The following DOCK5 variants were observed in gnomAD, a reference collection of about 807,000 sequenced individuals.
DOCK5 encodes dedicator of cytokinesis protein 5.
Under a neutral mutation model 251.8 loss-of-function variants are expected in DOCK5, and 142 were observed. That is an observed-to-expected ratio of 0.56 (90% CI 0.49 to 0.65). DOCK5 has a LOEUF of 0.65. Among genes scored for constraint, DOCK5 ranks in the 30% least tolerant of loss-of-function variants. DOCK5 has a pLI of 0.00. For missense variants in DOCK5, 2,111 were observed against 2,312.3 expected (o/e 0.91, Z 1.79); for synonymous variants, 842 against 835.5 (o/e 1.01, Z -0.13).
chr8:25,281,039 C>G (rs779001808), intron 5 of DOCK5, among the ~76,000 whole-genome samples: 2 of 148,320 alleles, frequency 1.3e-5, no homozygotes, highest in African/African-American at 2.5e-5. Context: ...TTTTTTCTTG[C>G]TAAAACACAA....
chr8:25,315,841 T>C (rs1456552586), intron 13 of DOCK5, among the ~76,000 whole-genome samples: 1 of 152,242 alleles, frequency 6.6e-6, no homozygotes, highest in Non-Finnish European at 1.5e-5. Flanking sequence ...AGCAGTATCT[T>C]ATTTTTTTCC....
rs929753146 is a variant in DOCK5, at chr8:25,206,559, C to T, written c.43+21608C>T. On this transcript the variant is annotated intron_variant, in intron 1 of 51. Transcript: ENST00000276440. ...ATTCTGTGAAAAACCTGGGCTAGTTCCTACATGACAAATAGTTACAGTACC... is the reference window on the plus strand; with the variant it reads ...ATTCTGTGAAAAACCTGGGCTAGTTTCTACATGACAAATAGTTACAGTACC... Among the ~76,000 whole-genome samples the T allele has an allele frequency of 7.9e-5, 12 of 152,284 alleles. No individual in the cohort carries two copies. The South Asian group carries it at 2.3e-3, about 29-fold the overall frequency.
At chr8:25,381,087 A>G (rs563887914) in intron 39 of DOCK5, among the ~76,000 whole-genome samples, 17 of 151,764 alleles carry the variant, frequency 1.1e-4, no homozygotes, top group Non-Finnish European at 1.5e-4. Context: ...TGAATGCCCA[A>G]TAGAAGGCAG....
At chr8:25,375,085 C>A (rs1800941271) in intron 37 of DOCK5, 2 of 787,222 alleles carry the variant, frequency 2.5e-6, no homozygotes, top group Non-Finnish European at 3.2e-6. Flanking sequence ...TTATGAATCC[C>A]AAGTAATTAT....
At chr8:25,399,771 A>G in intron 45 of DOCK5, 140 bp from the exon 46 acceptor site, 4 of 643,036 alleles carry the variant, frequency 6.2e-6, no homozygotes, top group Non-Finnish European at 1.1e-5. Context: ...AACATAGTAT[A>G]AGAGCTGTCT....
intron 1 of DOCK5, among the ~76,000 whole-genome samples, chr8:25,226,312 A>C (rs1349282920): frequency 8.6e-6 from 1 of 116,282 alleles, no homozygotes; most frequent in Non-Finnish European, 1.6e-5. Context: ...CCCAGGCTGG[A>C]GTGCAGGTGG....
intron 27 of DOCK5, among the ~76,000 whole-genome samples, chr8:25,354,853 A>AT (rs1800540182): frequency 6.6e-6 from 1 of 152,202 alleles, no homozygotes; most frequent in South Asian, 2.1e-4. Context: ...TTATTGTTAC[A>AT]TTTTTTCCCA....
At chr8:25,306,137 G>T (rs1399805371) in intron 11 of DOCK5, among the ~76,000 whole-genome samples, 2 of 151,832 alleles carry the variant, frequency 1.3e-5, no homozygotes, top group Non-Finnish European at 2.9e-5. Context: ...AGAGCCATAC[G>T]CTGTCTCAGA....
chr8:25,402,072 T>C (rs950655497), intron 47 of DOCK5, among the ~76,000 whole-genome samples: 1 of 152,210 alleles, frequency 6.6e-6, no homozygotes, highest in Non-Finnish European at 1.5e-5. Context: ...TCTACTTATC[T>C]GCATTTTTTT....
At chr8:25,345,428 A>G (rs1209003267) in intron 25 of DOCK5, 47 bp from the exon 26 acceptor site, 2 of 1,605,548 alleles carry the variant, frequency 1.2e-6, no homozygotes, top group African/African-American at 2.7e-5. Context: ...CAGGCAGTTC[A>G]GGAGGTGGCA....
intron 2 of DOCK5, among the ~76,000 whole-genome samples, chr8:25,249,233 C>T (rs73558465): frequency 1.0e-3 from 152 of 152,168 alleles, no homozygotes; most frequent in African/African-American, 3.3e-3. Context: ...ACTCCCGGCC[C>T]TTAGCGATCC....
At position 25,270,693 on chromosome 8, in the gene DOCK5, T is replaced by G. The variant is rs1412919331; in HGVS notation, c.168+1808T>G. On this transcript the variant is annotated intron_variant, in intron 3 of 51. Coordinates refer to ENST00000276440, the MANE Select transcript of DOCK5 (RefSeq NM_024940.8). Reference sequence around the variant, plus strand: ...GTCCTAGATCAGGTCTTCTTTTTCATAGACTACAGTATGTAAGGATCCTTT... The same window carrying G: ...GTCCTAGATCAGGTCTTCTTTTTCAGAGACTACAGTATGTAAGGATCCTTT... 4 of 484,642 alleles carry G rather than the reference T, an allele frequency of 8.3e-6. No individual in the cohort carries two copies. In the East Asian group the frequency reaches 1.2e-4, roughly 14 times the overall value. 30.0% of individuals were successfully genotyped at this position (484,642 alleles called of 1,614,324 possible). A position where few individuals can be genotyped will look rare whatever the true frequency, so the allele number is the denominator to read the frequency against.
intron 26 of DOCK5, among the ~76,000 whole-genome samples, chr8:25,350,465 C>A (rs1800446660): frequency 6.6e-6 from 1 of 152,148 alleles, no homozygotes; most frequent in Admixed American, 6.6e-5. Flanking sequence ...CTGTTACTGT[C>A]CCCCTTTTGC....
chr8:25,364,691 G>A lies in DOCK5; in HGVS notation c.3110G>A (p.Ser1037Asn), dbSNP rs1216228943. ...VLTRFFMDQA[S>N]FELQLWNNYF... ...ACAAGATTCTTCATGGATCAGGCAA[G>A]CTTTGAACTTCAGGTAGGCATGTGA... Residue 1037 changes from serine to asparagine, a missense_variant, in exon 30 of 52, where the codon AGC becomes AAC. This residue lies in a region of DOCK5 where 1,717 missense variants were observed against 1,892.4 expected (regional missense o/e 0.91). Coordinates refer to ENST00000276440, the MANE Select transcript of DOCK5 (RefSeq NM_024940.8). The A allele has an allele frequency of 6.3e-7, 1 of 1,593,558 alleles. No individual in the cohort carries two copies. The highest frequency in any genetic ancestry group is 8.6e-7 in the Non-Finnish European group (1 of 1,167,926).
rs185740230 is a variant in DOCK5 at position 25,227,357 on chromosome 8, G to T, written c.44-16317G>T. Among the ~76,000 whole-genome samples, 232 of 152,058 alleles carry T rather than the reference G, an allele frequency of 1.5e-3. No individual in the cohort carries two copies. The Middle Eastern group carries it at 0.027, about 18-fold the overall frequency. Reference sequence around the variant, plus strand: ...TTTTTTTTGGATGTGATAAAAGATAGGGAGTCTAATTTTGTTTTTTTTTCA... The same window carrying T: ...TTTTTTTTGGATGTGATAAAAGATATGGAGTCTAATTTTGTTTTTTTTTCA... On this transcript the variant is annotated intron_variant, in intron 1 of 51. Transcript: ENST00000276440.
intron 14 of DOCK5, among the ~76,000 whole-genome samples, chr8:25,319,156 C>G (rs1033741583): frequency 6.6e-6 from 1 of 152,072 alleles, no homozygotes; most frequent in Non-Finnish European, 1.5e-5. Flanking sequence ...GTGCCAATAC[C>G]CTAAGTCCCT....
chr8:25,291,326 A>G (rs1051416751), intron 5 of DOCK5, among the ~76,000 whole-genome samples: 1 of 152,042 alleles, frequency 6.6e-6, no homozygotes, highest in Non-Finnish European at 1.5e-5. Flanking sequence ...CTATTAATAT[A>G]TTTTCTTAAA....
chr8:25,381,609 C>G (rs1801068998), intron 39 of DOCK5, among the ~76,000 whole-genome samples: 1 of 148,438 alleles, frequency 6.7e-6, no homozygotes, highest in South Asian at 2.1e-4. Context: ...GCCTGGGCAA[C>G]AGAATGAGAC....
chr8:25,404,212 T>A (rs1801486207), intron 48 of DOCK5, among the ~76,000 whole-genome samples: 1 of 152,196 alleles, frequency 6.6e-6, no homozygotes, highest in African/African-American at 2.4e-5. Flanking sequence ...AATTATGTGT[T>A]CTTCCCCACA....
Sources: allele counts gnomAD v4.1 joint callset (sites outside exome capture counted in the v4.1 genomes callset), GRCh38; gene constraint gnomAD v4.1.1; regional missense constraint gnomAD v4.1.1; transcripts MANE v1.5; gene names NCBI Gene and HGNC (gene_info 2026-07-23, HGNC 2026-07-21).